Variants in SUFU observed in about 807,000 individuals in gnomAD.
The protein encoded by SUFU is SUFU negative regulator of hedgehog signaling.
A neutral mutation model predicts 58.9 loss-of-function variants in SUFU; 7 were observed. The ratio of observed to expected loss-of-function variants is 0.12; its 90% CI spans 0.07 to 0.22. The LOEUF (loss-of-function observed/expected upper bound fraction) is 0.22, where lower values mean the gene tolerates loss of function less well. Ranked by LOEUF, SUFU falls within the 10% of genes least tolerant of loss-of-function variation. The pLI is 1.00. For synonymous variants in SUFU, 232 were observed against 254.8 expected (o/e 0.91, Z 0.85); for missense variants, 451 against 641.3 (o/e 0.70, Z 3.20).
intron 3 of SUFU, among the ~76,000 whole-genome samples, chr10:102,562,071 C>T (rs2063043605): frequency 6.6e-6 from 1 of 152,174 alleles, no homozygotes. Flanking sequence ...CAGCCTGCCT[C>T]TGTAAGTCAG....
At chr10:102,530,447 CTT>C (rs34892390) in intron 2 of SUFU, among the ~76,000 whole-genome samples, 421 of 113,460 alleles carry the variant, frequency 3.7e-3, no homozygotes, top group Middle Eastern at 8.8e-3. Context: ...TATTTTAAAT[CTT>C]TTTTTTTTTT....
intron 3 of SUFU, among the ~76,000 whole-genome samples, chr10:102,583,405 A>G (rs2063302693): frequency 6.6e-6 from 1 of 152,094 alleles, no homozygotes; most frequent in South Asian, 2.1e-4. Context: ...GCCTGATCAC[A>G]CATGCTCAGG....
At chr10:102,586,634 C>A (rs964163571) in intron 3 of SUFU, among the ~76,000 whole-genome samples, 1 of 152,190 alleles carries the variant, frequency 6.6e-6, no homozygotes, top group Non-Finnish European at 1.5e-5. Context: ...GATCACGCCA[C>A]CGCACTCTAG....
rs1590093082 is a variant in SUFU, at chr10:102,628,353, T to A, written c.1365+1110T>A. 6.6e-6 allele frequency among the ~76,000 whole-genome samples: 1 copy of A among 152,196 alleles called. No individual in the cohort carries two copies. Among genetic ancestry groups the A allele is most frequent in the East Asian group, 1.9e-4 (1 of 5,194 alleles). Reference sequence around the variant, plus strand: ...CCTCAATAGAGCAGGGTCTCCTCTGTCCTCTGGGATGCAGCTTGAGAAATT... The same window carrying A: ...CCTCAATAGAGCAGGGTCTCCTCTGACCTCTGGGATGCAGCTTGAGAAATT... On this transcript the variant is annotated intron_variant, in intron 11 of 11. Coordinates refer to ENST00000369902, the MANE Select transcript of SUFU (RefSeq NM_016169.4). This position sits in a 1 kb window ranked among gnomAD's most constrained non-coding sequence, Gnocchi z 4.5.
rs576187078 is a variant in SUFU at position 102,619,107 on chromosome 10, C to A, written c.1296+1679C>A. On this transcript the variant is annotated intron_variant, in intron 10 of 11. Transcript: ENST00000369902. This position sits in a 1 kb window ranked among gnomAD's most constrained non-coding sequence, Gnocchi z 4.2. ...GGAGCTCTGCCCTCCCGTCCTGGAA[C>A]GTCTTTCTGCCCTGAGGAGAGGGTA... The A allele has an allele frequency of 1.1e-5, 17 of 1,612,666 alleles. No individual in the cohort carries two copies. The highest frequency in any genetic ancestry group is 1.4e-5 in the Non-Finnish European group (17 of 1,179,864).
At chr10:102,547,430 C>G (rs2135737065) in intron 2 of SUFU, among the ~76,000 whole-genome samples, 1 of 152,292 alleles carries the variant, frequency 6.6e-6, no homozygotes, top group African/African-American at 2.4e-5. Flanking sequence ...CTTCTGCTGG[C>G]CTGGTCTCCA....
Position 102,595,512 on chromosome 10 carries a change from C to A in SUFU, c.756+1447C>A, listed in dbSNP as rs181042739. 4.8e-3 allele frequency among the ~76,000 whole-genome samples: 731 copies of A among 152,288 alleles called. 4 individuals are homozygous for A. Among genetic ancestry groups the A allele is most frequent in the South Asian group, 7.7e-3 (37 of 4,830 alleles). On this transcript the variant is annotated intron_variant, in intron 6 of 11. Transcript: ENST00000369902. The stretch of plus-strand genomic sequence containing the variant: ...GGGCACTGTGGGCCGTTGTTTGGCC[C>A]CTGTCATAAGTGCCAAGTACTAAGA...
intron 2 of SUFU, among the ~76,000 whole-genome samples, chr10:102,540,073 C>T (rs780222031): frequency 6.6e-6 from 1 of 152,140 alleles, no homozygotes; most frequent in Non-Finnish European, 1.5e-5. Flanking sequence ...TTCTCTGAAC[C>T]ACTTCCTTAC....
intron 3 of SUFU, among the ~76,000 whole-genome samples, chr10:102,586,881 T>C (rs1488564374): frequency 6.6e-6 from 1 of 152,216 alleles, no homozygotes; most frequent in African/African-American, 2.4e-5. Flanking sequence ...CCCCAGCCTC[T>C]GACAACCACC....
intron 8 of SUFU, among the ~76,000 whole-genome samples, chr10:102,606,815 T>A (rs1320583714): frequency 1.3e-5 from 2 of 152,030 alleles, no homozygotes; most frequent in Admixed American, 1.3e-4. Flanking sequence ...CATCCAAATC[T>A]AAGTGAGGAA....
intron 8 of SUFU, among the ~76,000 whole-genome samples, chr10:102,612,804 G>C (rs554350501): frequency 6.6e-6 from 1 of 152,160 alleles, no homozygotes; most frequent in Non-Finnish European, 1.5e-5. Context: ...CCTTCGGCTC[G>C]TCACCTCACC....
chr10:102,542,154 A>C (rs2135724141), intron 2 of SUFU, among the ~76,000 whole-genome samples: 1 of 128,202 alleles, frequency 7.8e-6, no homozygotes, highest in South Asian at 2.9e-4. Context: ...TTTTTTTGAG[A>C]TGGAGTCTCA....
At chr10:102,506,754 A>AT (rs2062332435) in intron 1 of SUFU, among the ~76,000 whole-genome samples, 2 of 152,248 alleles carry the variant, frequency 1.3e-5, no homozygotes, top group Admixed American at 6.5e-5. Context: ...TATTCCTCAC[A>AT]TTTGGGATCC....
chr10:102,571,315 C>T (rs2063158057), intron 3 of SUFU, among the ~76,000 whole-genome samples: 2 of 152,136 alleles, frequency 1.3e-5, no homozygotes, highest in South Asian at 2.1e-4. Flanking sequence ...ATTAATTTAT[C>T]TTTTTTTGGG....
intron 11 of SUFU, 50 bp downstream of exon 11, chr10:102,627,293 G>A: frequency 6.6e-7 from 1 of 1,508,328 alleles, no homozygotes; most frequent in Non-Finnish European, 9.2e-7. Context: ...CTGGGACCAT[G>A]TGTGTGCGTG....
Position 102,632,803 on chromosome 10 carries a change from T to C in SUFU, c.*2648T>C, listed in dbSNP as rs970129658. 1.3e-5 allele frequency: 3 copies of C among 233,336 alleles called. No homozygotes were observed. The highest frequency in any genetic ancestry group is 6.6e-5 in the African/African-American group (3 of 45,350). The allele number at this position is 233,336 out of a possible 1,614,324, so 14.5% of individuals were successfully genotyped here. The stretch of plus-strand genomic sequence containing the variant: ...GAGAAGGGCCTTTCCCTTTCCTCTT[T>C]GCCTGCTATATAAGGCAGGCTCCTG... On this transcript the variant is annotated 3_prime_UTR_variant, in exon 12 of 12. Transcript: ENST00000369902.
chr10:102,585,130 C>G (rs2063323292), intron 3 of SUFU, among the ~76,000 whole-genome samples: 1 of 152,128 alleles, frequency 6.6e-6, no homozygotes. Flanking sequence ...GCTATATTTT[C>G]TTTTTTAATA....
intron 3 of SUFU, among the ~76,000 whole-genome samples, chr10:102,567,506 G>T (rs553190124): frequency 2.6e-4 from 40 of 152,090 alleles, no homozygotes; most frequent in Non-Finnish European, 5.1e-4. Flanking sequence ...TGTTGTTTAG[G>T]TTCTTCCCAG....
At chr10:102,516,679 C>G (rs1378948134) in intron 2 of SUFU, among the ~76,000 whole-genome samples, 2 of 151,982 alleles carry the variant, frequency 1.3e-5, no homozygotes, top group Non-Finnish European at 1.5e-5. Flanking sequence ...TCCCAAGTAG[C>G]TGGGATTACA....
Sources: gnomAD v4.1 joint callset for allele counts (sites outside exome capture counted in the v4.1 genomes callset) on GRCh38, gnomAD v4.1.1 for gene constraint, Gnocchi (gnomAD v3.1) non-coding constraint, MANE v1.5 for transcripts, NCBI Gene and HGNC (gene_info 2026-07-23, HGNC 2026-07-21) for gene names.